Variants in DNAH11 observed in about 807,000 individuals in gnomAD.
DNAH11 encodes the protein dynein axonemal heavy chain 11, also known as axonemal beta dynein heavy chain 11.
Under a neutral mutation model 526.0 loss-of-function variants are expected in DNAH11, and 442 were observed. The observed-to-expected ratio is 0.84, with a 90% CI of 0.78 to 0.91. The LOEUF (loss-of-function observed/expected upper bound fraction) is 0.91. Among genes scored for constraint, DNAH11 ranks in the 40% least tolerant of loss-of-function variants. The pLI is 0.00. For missense variants in DNAH11, 6,989 were observed against 5,448.7 expected (o/e 1.28, Z -8.90); for synonymous variants, 2,461 against 1,935.9 (o/e 1.27, Z -7.12).
intron 9 of DNAH11, among the ~76,000 whole-genome samples, chr7:21,584,189 C>T (rs1459220898): frequency 6.6e-6 from 1 of 152,160 alleles, no homozygotes; most frequent in African/African-American, 2.4e-5. Context: ...AAATGCCCAT[C>T]AATGATAGAC....
Position 21,860,865 on chromosome 7 carries a change from A to G in DNAH11, c.11203-988A>G, listed in dbSNP as rs530313810. ...GTGGAAGGCGAAAGGCACTTCTTAC[A>G]TGGCAGCAGGCAAGACAGAATGAGA... On this transcript the variant is annotated intron_variant, in intron 68 of 81. Coordinates refer to ENST00000409508, the MANE Select transcript of DNAH11 (RefSeq NM_001277115.2). Among the ~76,000 whole-genome samples the G allele has an allele frequency of 1.5e-4, 23 of 152,316 alleles. 2 individuals carry two copies. Among genetic ancestry groups the G allele is most frequent in the South Asian group, 1.2e-3 (6 of 4,822 alleles).
chr7:21,728,388 G>C (rs548514953), intron 45 of DNAH11, among the ~76,000 whole-genome samples: 1 of 151,514 alleles, frequency 6.6e-6, no homozygotes, highest in African/African-American at 2.4e-5. Context: ...CTCCCGAGTA[G>C]ATGGGACTAC....
intron 81 of DNAH11, 110 bp downstream of exon 81, chr7:21,900,230 A>C (rs1784719015): frequency 2.6e-6 from 3 of 1,172,984 alleles, no homozygotes; most frequent in Admixed American, 3.1e-5. Context: ...CAGTAACCTT[A>C]TGCTAGTCAT....
Position 21,617,643 on chromosome 7 carries a change from G to T in DNAH11, c.4120G>T (p.Val1374Phe), listed in dbSNP as rs924078433. 6 of 1,613,838 alleles carry T rather than the reference G, an allele frequency of 3.7e-6. No individual in the cohort carries two copies. In the African/African-American group the frequency reaches 8.0e-5, roughly 22 times the overall value. Residue 1374 changes from valine to phenylalanine, a missense_variant, in exon 23 of 82, where the codon GTC (valine) becomes TTC (phenylalanine). By Grantham distance (50) the Val-to-Phe change is conservative (BLOSUM62 -1). Transcript: ENST00000409508. ...GGAAATTTGGTCACTCAACAAGGAA[G>T]TCCGCGTCTGGGATGCTTACACGGG... ...AKEIWSLNKE[V>F]RVWDAYTGLE...
At chr7:21,807,649 A>G (rs1789326621) in intron 62 of DNAH11, among the ~76,000 whole-genome samples, 1 of 152,202 alleles carries the variant, frequency 6.6e-6, no homozygotes, top group Non-Finnish European at 1.5e-5. Context: ...GAGATGTTAA[A>G]GAACTAATGT....
chr7:21,594,279 G>A (rs139116791), intron 14 of DNAH11, among the ~76,000 whole-genome samples: 2 of 152,150 alleles, frequency 1.3e-5, no homozygotes, highest in East Asian at 3.9e-4. Flanking sequence ...GCTGGGAATT[G>A]TATGCAACCC....
At chr7:21,837,802 G>C (rs949797697) in intron 65 of DNAH11, among the ~76,000 whole-genome samples, 1 of 152,126 alleles carries the variant, frequency 6.6e-6, no homozygotes, top group African/African-American at 2.4e-5. Flanking sequence ...CAATATTATA[G>C]TGTATATTTC....
intron 68 of DNAH11, among the ~76,000 whole-genome samples, chr7:21,856,794 A>C (rs1031874202): frequency 6.6e-6 from 1 of 152,170 alleles, no homozygotes; most frequent in Non-Finnish European, 1.5e-5. Flanking sequence ...TTAAAAAAAA[A>C]ACCAACCAAC....
At chr7:21,862,794 A>G (rs904406030) in intron 69 of DNAH11, among the ~76,000 whole-genome samples, 1 of 152,162 alleles carries the variant, frequency 6.6e-6, no homozygotes, top group Non-Finnish European at 1.5e-5. Flanking sequence ...AAAAGCGTTC[A>G]TGGCCGGGCA....
chr7:21,573,867 A>C (rs1783985827), intron 8 of DNAH11, among the ~76,000 whole-genome samples: 1 of 152,176 alleles, frequency 6.6e-6, no homozygotes, highest in African/African-American at 2.4e-5. Flanking sequence ...TACATGGTTT[A>C]AATATGTTCC....
At chr7:21,710,443 C>T (rs1784417320) in intron 40 of DNAH11, 110 bp from the exon 41 acceptor site, 2 of 932,698 alleles carry the variant, frequency 2.1e-6, no homozygotes, top group Non-Finnish European at 3.1e-6. Context: ...ACACTGCCCG[C>T]AAGAAAGAGG....
At chr7:21,754,173 C>G (rs1330910555) in intron 54 of DNAH11, among the ~76,000 whole-genome samples, 1 of 152,050 alleles carries the variant, frequency 6.6e-6, no homozygotes, top group African/African-American at 2.4e-5. Context: ...AGTAGGAATT[C>G]TGTCTTGATT....
At chr7:21,780,757 C>A (rs746800819) in intron 57 of DNAH11, among the ~76,000 whole-genome samples, 1 of 152,098 alleles carries the variant, frequency 6.6e-6, no homozygotes, top group African/African-American at 2.4e-5. Context: ...AATAAAACTT[C>A]TAAACATTTT....
At chr7:21,717,485 C>T (rs764597650) in intron 42 of DNAH11, among the ~76,000 whole-genome samples, 7 of 152,144 alleles carry the variant, frequency 4.6e-5, no homozygotes, top group East Asian at 1.9e-4. Context: ...TGACATAGTG[C>T]ACTTCCTCAT....
intron 70 of DNAH11, among the ~76,000 whole-genome samples, chr7:21,865,015 C>T (rs1295800277): frequency 6.6e-6 from 1 of 152,058 alleles, no homozygotes; most frequent in African/African-American, 2.4e-5. Flanking sequence ...CTTTTTAAAT[C>T]GTTTCACCAT....
chr7:21,813,069 A>G (rs566776083), intron 63 of DNAH11, among the ~76,000 whole-genome samples: 1 of 152,304 alleles, frequency 6.6e-6, no homozygotes, highest in South Asian at 2.1e-4. Context: ...ACAGGGAGCA[A>G]ACAGTAACAC....
intron 56 of DNAH11, 56 bp downstream of exon 56, chr7:21,774,055 A>ATATTTCCT: frequency 7.1e-7 from 1 of 1,408,312 alleles, no homozygotes; most frequent in South Asian, 1.5e-5. Context: ...ACAGAAAAAT[A>ATATTTCCT]TATTTCCTTT....
chr7:21,690,286 T>C (rs903063135), intron 34 of DNAH11, among the ~76,000 whole-genome samples: 4 of 152,176 alleles, frequency 2.6e-5, no homozygotes, highest in African/African-American at 7.2e-5. Context: ...TGATATTTAA[T>C]AGATTTTTCT....
At chr7:21,717,653 C>A in intron 42 of DNAH11, 122 bp from the exon 43 acceptor site, 3 of 1,123,198 alleles carry the variant, frequency 2.7e-6, no homozygotes, top group Non-Finnish European at 3.7e-6. Flanking sequence ...ATAGAACGAA[C>A]TCACTAAACG....
Sources: gnomAD v4.1 joint callset for allele counts (sites outside exome capture counted in the v4.1 genomes callset) on GRCh38, gnomAD v4.1.1 for gene constraint, MANE v1.5 for transcripts, NCBI Gene and HGNC (gene_info 2026-07-23, HGNC 2026-07-21) for gene names.